Variants in DHTKD1 observed in about 807,000 individuals in gnomAD.
The protein encoded by DHTKD1 is dehydrogenase E1 and transketolase domain containing 1.
In DHTKD1, 78 loss-of-function variants were observed where a neutral mutation model predicts 101.8. That is an observed-to-expected ratio of 0.77 (90% CI 0.64 to 0.93). The LOEUF is 0.93. DHTKD1 is among the 40% of genes least tolerant of loss of function. The pLI is 0.00. For synonymous variants in DHTKD1, 462 were observed against 450.3 expected, an observed-to-expected ratio of 1.03 and a Z score of -0.33; for missense variants, 1,223 against 1,161.7, an observed-to-expected ratio of 1.05 and a Z score of -0.77.
chr10:12,120,144 G>C, intron 15 of DHTKD1, 38 bp from the exon 16 acceptor site: 1 of 1,525,646 alleles, frequency 6.6e-7, no homozygotes, highest in Non-Finnish European at 9.1e-7. Flanking sequence ...GTCTGCATGT[G>C]TCTACTTGAG....
chr10:12,089,711 C>T (rs1389338565), intron 5 of DHTKD1, among the ~76,000 whole-genome samples: 1 of 152,000 alleles, frequency 6.6e-6, no homozygotes, highest in Non-Finnish European at 1.5e-5. Flanking sequence ...CACTCTGTCA[C>T]TCAGGCTGGA....
intron 1 of DHTKD1, among the ~76,000 whole-genome samples, chr10:12,072,683 C>T (rs558375146): frequency 1.2e-4 from 18 of 151,684 alleles, no homozygotes; most frequent in Non-Finnish European, 2.1e-4. Context: ...TATTTATCAA[C>T]AATGCCAATT....
At chr10:12,118,710 A>G (rs1833465422) in intron 14 of DHTKD1, 39 bp from the exon 15 acceptor site, 1 of 1,437,466 alleles carries the variant, frequency 7.0e-7, no homozygotes, top group Non-Finnish European at 9.2e-7. Flanking sequence ...ACTTTAAAAA[A>G]TTTCTCCCCC....
At position 12,098,031 on chromosome 10, in the gene DHTKD1, C is replaced by G. The variant is rs10906076; in HGVS notation, c.1671+35C>G. The G allele has an allele frequency of 0.8, 1,243,371 of 1,557,670 alleles. 499,148 individuals are homozygous for G. Among genetic ancestry groups the G allele is most frequent in the South Asian group, 0.88 (72,449 of 82,716 alleles). On this transcript the variant is annotated intron_variant, in intron 8 of 16. Transcript: ENST00000263035. ...CTCCAAATGGCTGGTTATTGCTTCT[C>G]CTTCCTGCTCAGCAAAGGAGCTGAC...
At chr10:12,079,351 C>A (rs554425843) in intron 1 of DHTKD1, among the ~76,000 whole-genome samples, 1 of 152,204 alleles carries the variant, frequency 6.6e-6, no homozygotes, top group South Asian at 2.1e-4. Context: ...TGCTGTAGAG[C>A]CCAGGGAAGA....
Position 12,087,741 on chromosome 10 carries a change from C to T in DHTKD1, c.717+12C>T, listed in dbSNP as rs548903016. On this transcript the variant is annotated intron_variant, in intron 4 of 16. Transcript: ENST00000263035. This position sits in a 1 kb window ranked among gnomAD's most constrained non-coding sequence, Gnocchi z 5.2. ...AGTTCCCTCCAGAGGTAAGGTTACTCGCTGTGTTTCTCAGTAGCACTATAT... is the reference window on the plus strand; with the variant it reads ...AGTTCCCTCCAGAGGTAAGGTTACTTGCTGTGTTTCTCAGTAGCACTATAT... The T allele has an allele frequency of 8.3e-6, 13 of 1,569,400 alleles. No individual in the cohort carries two copies. The African/African-American group carries it at 1.2e-4, about 15-fold the overall frequency.
intron 15 of DHTKD1, among the ~76,000 whole-genome samples, chr10:12,119,710 C>G (rs1264354274): frequency 6.6e-6 from 1 of 151,762 alleles, no homozygotes; most frequent in Non-Finnish European, 1.5e-5. Flanking sequence ...GGCAGAACAG[C>G]TAATGGATGC....
intron 11 of DHTKD1, among the ~76,000 whole-genome samples, chr10:12,106,758 T>C (rs1833255460): frequency 6.6e-6 from 1 of 152,202 alleles, no homozygotes; most frequent in African/African-American, 2.4e-5. Flanking sequence ...CCCCAGACCC[T>C]GAATCCCATT....
chr10:12,086,874 A>G (rs1832911025), intron 3 of DHTKD1, among the ~76,000 whole-genome samples: 1 of 152,074 alleles, frequency 6.6e-6, no homozygotes, highest in South Asian at 2.1e-4. Flanking sequence ...GATTTTCAGT[A>G]GAGACGGGGT....
In DHTKD1 at chr10:12,101,200, T is replaced by G. The variant is rs747145163; in HGVS notation, c.1896+19T>G. The G allele has an allele frequency of 7.5e-6, 12 of 1,599,170 alleles. No homozygotes were observed. Among genetic ancestry groups the G allele is most frequent in the East Asian group, 4.5e-5 (2 of 44,708 alleles). On this transcript the variant is annotated intron_variant, in intron 10 of 16. Coordinates refer to ENST00000263035, the MANE Select transcript of DHTKD1 (RefSeq NM_018706.7). ...TCTAGAGGTGAGATGTTTCTATAGC[T>G]GTTGTAAAATCCAGGTGCCAACGAT...
rs77919365 is a variant in DHTKD1 at position 12,087,985 on chromosome 10, C to T, written c.717+256C>T. 0.011 allele frequency among the ~76,000 whole-genome samples: 1,748 copies of T among 152,238 alleles called. 31 individuals are homozygous for T. Among genetic ancestry groups the T allele is most frequent in the African/African-American group, 0.039 (1,641 of 41,546 alleles). ...TAAGTTAGCCAAGCATGGTGGCACGCACCCGTGTTCCCAGCTACTCAGGAG... is the reference window on the plus strand; with the variant it reads ...TAAGTTAGCCAAGCATGGTGGCACGTACCCGTGTTCCCAGCTACTCAGGAG... On this transcript the variant is annotated intron_variant, in intron 4 of 16. Transcript: ENST00000263035. The surrounding 1 kb of genome is among the most constrained non-coding windows in gnomAD (Gnocchi z 5.2).
At chr10:12,081,227 T>C (rs1026312057) in intron 1 of DHTKD1, among the ~76,000 whole-genome samples, 4 of 134,292 alleles carry the variant, frequency 3.0e-5, no homozygotes, top group African/African-American at 8.7e-5. Flanking sequence ...TGAGCCGAGA[T>C]TGTGCCACTG....
chr10:12,118,880 C>T lies in DHTKD1; in HGVS notation c.2534C>T (p.Ser845Phe), dbSNP rs1311889176. 1.9e-6 allele frequency: 3 copies of T among 1,603,018 alleles called. No individual in the cohort carries two copies. The highest frequency in any genetic ancestry group is 1.7e-5 in the Admixed American group (1 of 57,896). Reference sequence around the variant, plus strand: ...GAACTCTGCCCCTTCCCGTTGGATTCTTTACAGCAAGAGATGAGCAAATAC... The same window carrying T: ...GAACTCTGCCCCTTCCCGTTGGATTTTTTACAGCAAGAGATGAGCAAATAC... ...VEELCPFPLD[S>F]LQQEMSKYKH... The change falls in exon 15 of 17, where the codon TCT (serine) becomes TTT (phenylalanine). Residue 845 changes from serine (S) to phenylalanine (F), a missense_variant. Transcript: ENST00000263035.
At chr10:12,120,529 G>A (rs534593344) in intron 16 of DHTKD1, among the ~76,000 whole-genome samples, 3 of 151,966 alleles carry the variant, frequency 2.0e-5, no homozygotes, top group Non-Finnish European at 4.4e-5. Flanking sequence ...GTAGAGACGG[G>A]GTTTCACCAT....
At chr10:12,089,984 T>G (rs892992540) in intron 5 of DHTKD1, among the ~76,000 whole-genome samples, 2 of 145,082 alleles carry the variant, frequency 1.4e-5, no homozygotes, top group Non-Finnish European at 3.1e-5. Flanking sequence ...TTTTTTTTTT[T>G]GCTTGTTTAT....
chr10:12,114,081 G>A (rs2131625011), intron 13 of DHTKD1, among the ~76,000 whole-genome samples: 1 of 151,310 alleles, frequency 6.6e-6, no homozygotes, highest in East Asian at 1.9e-4. Flanking sequence ...CTGTTGCCCA[G>A]GCTAGAGTGC....
rs1832953443 is a variant in DHTKD1, at chr10:12,089,281, C to T, written c.987+26C>T. The T allele has an allele frequency of 2.5e-6, 4 of 1,602,326 alleles. No homozygotes were observed. The Admixed American group carries it at 5.0e-5, about 20-fold the overall frequency. On this transcript the variant is annotated intron_variant, in intron 5 of 16. Transcript: ENST00000263035. Reference sequence around the variant, plus strand: ...GTACTTGGAGCTTCTGAAATTGAGGCCAGAGGTGGGGAAAACTGGGAAGAA... The same window carrying T: ...GTACTTGGAGCTTCTGAAATTGAGGTCAGAGGTGGGGAAAACTGGGAAGAA...
chr10:12,095,455 A>C (rs1833051518), intron 7 of DHTKD1, among the ~76,000 whole-genome samples: 1 of 152,132 alleles, frequency 6.6e-6, no homozygotes, highest in African/African-American at 2.4e-5. Context: ...AGGTGGGTGG[A>C]TCACTTGAGG....
intron 5 of DHTKD1, among the ~76,000 whole-genome samples, chr10:12,090,971 G>C (rs529115621): frequency 6.6e-6 from 1 of 151,858 alleles, no homozygotes; most frequent in South Asian, 2.1e-4. Flanking sequence ...GGAGAATGGC[G>C]TGAACCCCGG....
Sources: allele counts gnomAD v4.1 joint callset (sites outside exome capture counted in the v4.1 genomes callset), GRCh38; gene constraint gnomAD v4.1.1; non-coding constraint Gnocchi (gnomAD v3.1); transcripts MANE v1.5; gene names NCBI Gene and HGNC (gene_info 2026-07-23, HGNC 2026-07-21).